TMEM108: variants seen among roughly 807,000 people sequenced by gnomAD.
TMEM108 encodes transmembrane protein 108, also known as cancer/testis antigen 124.
In TMEM108, 12 loss-of-function variants were observed where a neutral mutation model predicts 35.1. The ratio of observed to expected loss-of-function variants is 0.34; its 90% CI spans 0.22 to 0.55. The LOEUF is 0.55. Ranked by LOEUF, TMEM108 falls within the 20% of genes least tolerant of loss-of-function variation. The pLI, the probability that TMEM108 is intolerant of heterozygous loss-of-function variation, is 0.89. For synonymous variants in TMEM108, 287 were observed against 308.6 expected, an observed-to-expected ratio of 0.93 and a Z score of 0.73; for missense variants, 680 against 753.3, an observed-to-expected ratio of 0.90 and a Z score of 1.14.
chr3:133,135,976 GA>G (rs1944559984), intron 2 of TMEM108, among the ~76,000 whole-genome samples: 1 of 152,064 alleles, frequency 6.6e-6, no homozygotes, highest in African/African-American at 2.4e-5. Flanking sequence ...TGTTAGGGGG[GA>G]TATCTATGTG....
intron 2 of TMEM108, among the ~76,000 whole-genome samples, chr3:133,195,773 A>G (rs73860853): frequency 0.03 from 4,559 of 152,292 alleles, 228 homozygotes; most frequent in African/African-American, 0.1. Flanking sequence ...CTTTCCTCTT[A>G]GAGTTGCTAA....
intron 3 of TMEM108, among the ~76,000 whole-genome samples, chr3:133,306,141 AAT>A (rs2071034419): frequency 6.6e-6 from 1 of 152,146 alleles, no homozygotes; most frequent in Non-Finnish European, 1.5e-5. Context: ...GTTTTTCATT[AAT>A]GGTTTATGCA....
In TMEM108 at chr3:133,389,162, AC is replaced by A. The variant is rs1303859287; in HGVS notation, c.1451-1016del. On this transcript the variant is annotated intron_variant, in intron 4 of 5. Transcript: ENST00000321871. Reference sequence around the variant, plus strand: ...AGTGTGAATCTGGACAGGCCACCCCACCTCTCTGACCTCAGAAGCCTTCCCT... The same window carrying A: ...AGTGTGAATCTGGACAGGCCACCCCACTCTCTGACCTCAGAAGCCTTCCCT... 3.0e-6 allele frequency: 3 copies of A among 985,360 alleles called. No individual in the cohort carries two copies. In the Admixed American group the frequency reaches 1.8e-4, roughly 61 times the overall value. 61.0% of individuals were successfully genotyped at this position (985,360 alleles called of 1,614,324 possible). A position where few individuals can be genotyped will look rare whatever the true frequency, so the allele number is the denominator to read the frequency against.
In TMEM108 at chr3:133,251,146, A is replaced by G. The variant is rs550311699; in HGVS notation, c.40+21795A>G. ...AAGGGACATGGAATGAGATTGATAG[A>G]CAAAGATAAGCATTAGTTTCATTTA... On this transcript the variant is annotated intron_variant, in intron 3 of 5. Coordinates refer to ENST00000321871, the MANE Select transcript of TMEM108 (RefSeq NM_023943.4). 1.1e-4 allele frequency among the ~76,000 whole-genome samples: 17 copies of G among 152,318 alleles called. No individual in the cohort carries two copies. The South Asian group carries it at 3.5e-3, about 32-fold the overall frequency.
At chr3:133,071,941 G>A (rs1943680590) in intron 2 of TMEM108, among the ~76,000 whole-genome samples, 1 of 152,094 alleles carries the variant, frequency 6.6e-6, no homozygotes, top group Admixed American at 6.6e-5. Flanking sequence ...TTTCTTCTGG[G>A]ATAGTTTTAG....
At chr3:133,061,895 G>A (rs975269530) in intron 2 of TMEM108, among the ~76,000 whole-genome samples, 1 of 152,210 alleles carries the variant, frequency 6.6e-6, no homozygotes, top group Non-Finnish European at 1.5e-5. Context: ...ATTGCTTTGC[G>A]TTCAAGGGAA....
Position 133,150,342 on chromosome 3 carries a change from GT to G in TMEM108, c.-46-78908del, listed in dbSNP as rs10663538. On this transcript the variant is annotated intron_variant, in intron 2 of 5. Transcript: ENST00000321871. Reference sequence around the variant, plus strand: ...CCATTTAAAAAAATCAGGTTATTTGGTTTTTTTTTTTTTTTTGCAATTGAGT... The same window carrying G: ...CCATTTAAAAAAATCAGGTTATTTGGTTTTTTTTTTTTTTTGCAATTGAGT... 8.4e-4 allele frequency among the ~76,000 whole-genome samples: 92 copies of G among 109,680 alleles called. 1 individual carries two copies. The highest frequency in any genetic ancestry group is 5.6e-3 in the Middle Eastern group (1 of 178). 72.0% of individuals were successfully genotyped at this position (109,680 alleles called of 152,430 possible).
chr3:133,183,527 G>A (rs1206479344), intron 2 of TMEM108, among the ~76,000 whole-genome samples: 1 of 152,142 alleles, frequency 6.6e-6, no homozygotes, highest in Non-Finnish European at 1.5e-5. Flanking sequence ...AAAAAGAAAG[G>A]CCTGCTTCTG....
chr3:133,158,265 C>T (rs544735590), intron 2 of TMEM108, among the ~76,000 whole-genome samples: 83 of 151,762 alleles, frequency 5.5e-4, no homozygotes, highest in Middle Eastern at 6.8e-3. Flanking sequence ...GTCAAGAAAT[C>T]GAGACCATCC....
At chr3:133,211,398 T>A (rs1243503020) in intron 2 of TMEM108, among the ~76,000 whole-genome samples, 1 of 152,146 alleles carries the variant, frequency 6.6e-6, no homozygotes, top group Non-Finnish European at 1.5e-5. Flanking sequence ...AAAAGAAAAA[T>A]GAATGAGTTT....
chr3:133,091,460 C>A (rs1373353829), intron 2 of TMEM108, among the ~76,000 whole-genome samples: 1 of 152,106 alleles, frequency 6.6e-6, no homozygotes, highest in African/African-American at 2.4e-5. Flanking sequence ...CTTTCTGTTT[C>A]TTATTTATTC....
chr3:133,201,230 C>T (rs995570223), intron 2 of TMEM108, among the ~76,000 whole-genome samples: 8 of 152,134 alleles, frequency 5.3e-5, no homozygotes, highest in African/African-American at 1.7e-4. Context: ...AGACTCATCC[C>T]CACTCTGATT....
At chr3:133,170,474 G>T (rs11707664) in intron 2 of TMEM108, among the ~76,000 whole-genome samples, 1 of 151,996 alleles carries the variant, frequency 6.6e-6, no homozygotes, top group African/African-American at 2.4e-5. Flanking sequence ...TTAAAGCATG[G>T]TTAAACCAAA....
intron 2 of TMEM108, among the ~76,000 whole-genome samples, chr3:133,100,381 C>T (rs1470851385): frequency 6.6e-6 from 1 of 152,168 alleles, no homozygotes; most frequent in Admixed American, 6.5e-5. Context: ...GGGCAGATTG[C>T]TTGAGCCCAT....
chr3:133,376,617 G>A (rs1263693439), intron 3 of TMEM108, among the ~76,000 whole-genome samples: 3 of 152,126 alleles, frequency 2.0e-5, no homozygotes, highest in African/African-American at 7.2e-5. Context: ...GAGCCTCTGG[G>A]TGAGTGTTCT....
chr3:133,159,730 C>T (rs752687286), intron 2 of TMEM108, among the ~76,000 whole-genome samples: 3 of 152,200 alleles, frequency 2.0e-5, no homozygotes, highest in Non-Finnish European at 4.4e-5. Flanking sequence ...TATGCAAGGT[C>T]ACACAACTGT....
chr3:133,148,511 C>G (rs1319099320), intron 2 of TMEM108, among the ~76,000 whole-genome samples: 1 of 152,116 alleles, frequency 6.6e-6, no homozygotes, highest in Non-Finnish European at 1.5e-5. Context: ...TACATCATAT[C>G]ATTATGCTTT....
intron 3 of TMEM108, among the ~76,000 whole-genome samples, chr3:133,294,475 C>T (rs61592231): frequency 0.044 from 6,749 of 152,188 alleles, 505 homozygotes; most frequent in African/African-American, 0.15. Context: ...TCTCTACTTC[C>T]TTCAAATATG....
intron 2 of TMEM108, among the ~76,000 whole-genome samples, chr3:133,057,885 C>CT (rs775991188): frequency 2.3e-4 from 35 of 152,024 alleles, no homozygotes; most frequent in Non-Finnish European, 4.3e-4. Flanking sequence ...GAGGGAGTGA[C>CT]TGTGTTTGAG....
Sources: gnomAD v4.1 joint callset for allele counts (sites outside exome capture counted in the v4.1 genomes callset) on GRCh38, gnomAD v4.1.1 for gene constraint, MANE v1.5 for transcripts, NCBI Gene and HGNC (gene_info 2026-07-23, HGNC 2026-07-21) for gene names.